The following NXPH1 variants were observed in gnomAD, a reference collection of about 807,000 sequenced individuals.
NXPH1 encodes the protein neurexophilin-1.
Under a neutral mutation model 23.7 loss-of-function variants are expected in NXPH1, and 5 were observed. That is an observed-to-expected ratio of 0.21 (90% CI 0.11 to 0.44). The LOEUF is 0.44. NXPH1 is among the 20% of genes least tolerant of loss of function. NXPH1 has a pLI of 0.99. For missense variants in NXPH1, 324 were observed against 321.6 expected, an observed-to-expected ratio of 1.01 and a Z score of -0.06; for synonymous variants, 144 against 122.2, an observed-to-expected ratio of 1.18 and a Z score of -1.18.
rs139831073 is a variant in NXPH1 at position 8,749,825 on chromosome 7, G to A, written c.55-1183G>A. Among the ~76,000 whole-genome samples, 246 of 152,284 alleles carry A rather than the reference G, an allele frequency of 1.6e-3. 1 individual carries two copies. Among genetic ancestry groups the A allele is most frequent in the African/African-American group, 5.4e-3 (224 of 41,560 alleles). ...ACTGGTCTTGGCTATTTTAGTTCCC[G>A]TGGGTCCTTAGTTCTGTTAGCTCCT... On this transcript the variant is annotated intron_variant, in intron 2 of 2. Coordinates refer to ENST00000405863, the MANE Select transcript of NXPH1 (RefSeq NM_152745.3).
intron 2 of NXPH1, among the ~76,000 whole-genome samples, chr7:8,732,197 G>A (rs919838737): frequency 1.8e-4 from 28 of 152,152 alleles, no homozygotes; most frequent in Non-Finnish European, 2.8e-4. Flanking sequence ...GCCATGCTTC[G>A]GCTCGTGCAT....
chr7:8,721,837 T>C (rs534908332), intron 2 of NXPH1, among the ~76,000 whole-genome samples: 1 of 152,342 alleles, frequency 6.6e-6, no homozygotes, highest in South Asian at 2.1e-4. Flanking sequence ...ATAAATCTCA[T>C]ACCTTCCTTT....
At chr7:8,449,297 G>T in intron 2 of NXPH1, among the ~76,000 whole-genome samples, 1 of 152,158 alleles carries the variant, frequency 6.6e-6, no homozygotes, top group East Asian at 1.9e-4. Context: ...CCAAGGCATT[G>T]CCCTGGGTAT....
chr7:8,568,413 G>T (rs568938843), intron 2 of NXPH1, among the ~76,000 whole-genome samples: 5 of 151,706 alleles, frequency 3.3e-5, no homozygotes, highest in Admixed American at 1.3e-4. Flanking sequence ...TTTACACAAG[G>T]CCCCAAAATA....
At chr7:8,493,060 G>C (rs530741436) in intron 2 of NXPH1, among the ~76,000 whole-genome samples, 2 of 152,010 alleles carry the variant, frequency 1.3e-5, no homozygotes, top group Admixed American at 1.3e-4. Context: ...CTTATCTTGG[G>C]GCAGCATGTG....
intron 2 of NXPH1, among the ~76,000 whole-genome samples, chr7:8,485,801 C>G (rs1387474920): frequency 6.6e-6 from 1 of 152,136 alleles, no homozygotes; most frequent in South Asian, 2.1e-4. Context: ...CTGAAGAGAA[C>G]ATTTTGGATT....
At chr7:8,464,281 A>T (rs1480931976) in intron 2 of NXPH1, among the ~76,000 whole-genome samples, 1 of 152,132 alleles carries the variant, frequency 6.6e-6, no homozygotes, top group African/African-American at 2.4e-5. Flanking sequence ...CTTATCTGTG[A>T]CCACTTGCCA....
At chr7:8,606,434 G>A (rs983701770) in intron 2 of NXPH1, among the ~76,000 whole-genome samples, 4 of 152,040 alleles carry the variant, frequency 2.6e-5, no homozygotes, top group African/African-American at 7.2e-5. Flanking sequence ...GATGTATTTT[G>A]CATTTGCCTC....
intron 2 of NXPH1, among the ~76,000 whole-genome samples, chr7:8,596,850 T>A (rs540802588): frequency 6.6e-6 from 1 of 152,214 alleles, no homozygotes; most frequent in East Asian, 1.9e-4. Context: ...AGAGCTCACC[T>A]TCTAATAAAG....
chr7:8,522,139 C>T (rs1817782695), intron 2 of NXPH1, among the ~76,000 whole-genome samples: 1 of 152,154 alleles, frequency 6.6e-6, no homozygotes, highest in Non-Finnish European at 1.5e-5. Flanking sequence ...TACTGACATT[C>T]AGGGTGGAGA....
chr7:8,719,573 A>C (rs1460930743), intron 2 of NXPH1, among the ~76,000 whole-genome samples: 1 of 152,202 alleles, frequency 6.6e-6, no homozygotes, highest in South Asian at 2.1e-4. Flanking sequence ...TATTTGGTGG[A>C]TAACCATTTG....
intron 2 of NXPH1, among the ~76,000 whole-genome samples, chr7:8,637,254 G>T (rs1423311503): frequency 6.6e-6 from 1 of 151,016 alleles, no homozygotes; most frequent in African/African-American, 2.4e-5. Context: ...AGAGGGCCTG[G>T]CTTTTTAAAC....
At chr7:8,642,809 G>A (rs1448431240) in intron 2 of NXPH1, among the ~76,000 whole-genome samples, 1 of 151,902 alleles carries the variant, frequency 6.6e-6, no homozygotes, top group Non-Finnish European at 1.5e-5. Context: ...ACTTTAATGG[G>A]AAAGTTCTTA....
intron 2 of NXPH1, among the ~76,000 whole-genome samples, chr7:8,458,153 A>G (rs889878988): frequency 1.3e-5 from 2 of 152,232 alleles, no homozygotes; most frequent in Non-Finnish European, 2.9e-5. Flanking sequence ...GCTTCTTCCT[A>G]TGTAATCTGT....
At chr7:8,744,646 G>T (rs1311196812) in intron 2 of NXPH1, among the ~76,000 whole-genome samples, 1 of 152,106 alleles carries the variant, frequency 6.6e-6, no homozygotes, top group Non-Finnish European at 1.5e-5. Flanking sequence ...TTTCCTAGTG[G>T]ATGGCATCAC....
intron 2 of NXPH1, among the ~76,000 whole-genome samples, chr7:8,550,776 G>T (rs1041398535): frequency 1.7e-4 from 25 of 151,406 alleles, no homozygotes; most frequent in African/African-American, 6.0e-4. Flanking sequence ...TTCACTTAAG[G>T]TGAATAGTTC....
intron 2 of NXPH1, among the ~76,000 whole-genome samples, chr7:8,521,234 C>A (rs1264502411): frequency 6.6e-6 from 1 of 152,172 alleles, no homozygotes; most frequent in Non-Finnish European, 1.5e-5. Flanking sequence ...AATCAAAGTG[C>A]AGTTTAAACC....
intron 2 of NXPH1, among the ~76,000 whole-genome samples, chr7:8,537,951 A>G (rs1375755059): frequency 6.6e-6 from 1 of 151,922 alleles, no homozygotes; most frequent in Non-Finnish European, 1.5e-5. Flanking sequence ...AGGCGAGGGG[A>G]ATGGAGCCCT....
At chr7:8,682,425 A>G (rs1271580182) in intron 2 of NXPH1, among the ~76,000 whole-genome samples, 1 of 152,172 alleles carries the variant, frequency 6.6e-6, no homozygotes, top group Non-Finnish European at 1.5e-5. Flanking sequence ...TCTTTACAGT[A>G]CTCACACAAT....
Sources: allele counts gnomAD v4.1 joint callset (sites outside exome capture counted in the v4.1 genomes callset), GRCh38; gene constraint gnomAD v4.1.1; transcripts MANE v1.5; gene names NCBI Gene and HGNC (gene_info 2026-07-23, HGNC 2026-07-21).